Variants in MYO16 observed in about 807,000 individuals in gnomAD.
MYO16 encodes the protein myosin XVI.
A neutral mutation model predicts 205.3 loss-of-function variants in MYO16; 94 were observed. The ratio of observed to expected loss-of-function variants is 0.46; its 90% confidence interval spans 0.39 to 0.54. The LOEUF (loss-of-function observed/expected upper bound fraction) is 0.54. Ranked by LOEUF, MYO16 falls within the 20% of genes least tolerant of loss-of-function variation. The probability of loss-of-function intolerance (pLI) is 0.00; values close to 1 mark genes in which losing one functional copy is unlikely to be tolerated. For synonymous variants in MYO16, 988 were observed against 954.0 expected (o/e 1.04, Z -0.66); for missense variants, 2,315 against 2,387.5 (o/e 0.97, Z 0.63).
At chr13:109,159,255 A>C (rs920732483) in intron 32 of MYO16, among the ~76,000 whole-genome samples, 2 of 152,194 alleles carry the variant, frequency 1.3e-5, no homozygotes, top group African/African-American at 2.4e-5. Flanking sequence ...TATAATTTTA[A>C]ATAAGTAAAG....
At chr13:108,902,151 C>T (rs1032646996) in intron 15 of MYO16, among the ~76,000 whole-genome samples, 4 of 152,138 alleles carry the variant, frequency 2.6e-5, no homozygotes, top group Admixed American at 1.3e-4. Context: ...AAGAGCAGGT[C>T]GATGTTTCCG....
At chr13:108,503,718 G>A in the MYO16 span, among the ~76,000 whole-genome samples, 2 of 151,812 alleles carry the variant, frequency 1.3e-5, no homozygotes, top group Non-Finnish European at 2.9e-5. Flanking sequence ...GTGTTACATA[G>A]GATTACATCA....
chr13:109,053,816 A>G (rs1304061631), intron 25 of MYO16, among the ~76,000 whole-genome samples: 2 of 152,036 alleles, frequency 1.3e-5, no homozygotes, highest in East Asian at 3.9e-4. Flanking sequence ...CCTACTCTTT[A>G]ACTGAGCATG....
intron 9 of MYO16, among the ~76,000 whole-genome samples, chr13:108,835,596 C>T (rs570907407): frequency 9.2e-5 from 14 of 152,194 alleles, no homozygotes; most frequent in South Asian, 8.3e-4. Flanking sequence ...GAGAAGAAGA[C>T]AGGAAGATGA....
At chr13:108,838,326 T>A (rs1260945750) in intron 9 of MYO16, among the ~76,000 whole-genome samples, 2 of 151,970 alleles carry the variant, frequency 1.3e-5, no homozygotes, top group East Asian at 3.9e-4. Flanking sequence ...ATAATTAATA[T>A]AACATTTTGC....
At chr13:109,034,504 G>A (rs1886650197) in intron 23 of MYO16, among the ~76,000 whole-genome samples, 1 of 152,186 alleles carries the variant, frequency 6.6e-6, no homozygotes, top group African/African-American at 2.4e-5. Flanking sequence ...CGCCATGATT[G>A]TAAGTTCCCT....
At chr13:108,610,285 C>T (rs890569385) in intron 1 of MYO16, among the ~76,000 whole-genome samples, 3 of 152,202 alleles carry the variant, frequency 2.0e-5, no homozygotes, top group African/African-American at 7.2e-5. Flanking sequence ...GTGTGTGCTC[C>T]GTCGATGCCT....
chr13:108,690,065 A>G (rs929219202), intron 2 of MYO16, among the ~76,000 whole-genome samples: 1 of 152,080 alleles, frequency 6.6e-6, no homozygotes, highest in African/African-American at 2.4e-5. Context: ...AGTAAGCCCA[A>G]TGCCTTCCAC....
intron 4 of MYO16, among the ~76,000 whole-genome samples, chr13:108,762,262 GAT>G (rs1334315024): frequency 1.4e-5 from 2 of 143,490 alleles, no homozygotes; most frequent in Admixed American, 1.5e-4. Context: ...CACTCAGGTT[GAT>G]TCCATGTCTT....
chr13:108,684,811 C>T (rs1386461497), intron 2 of MYO16, among the ~76,000 whole-genome samples: 1 of 152,174 alleles, frequency 6.6e-6, no homozygotes, highest in Non-Finnish European at 1.5e-5. Flanking sequence ...GATTACTGAA[C>T]ACACTGGGGA....
At chr13:108,523,415 C>T in the MYO16 span, among the ~76,000 whole-genome samples, 1 of 152,194 alleles carries the variant, frequency 6.6e-6, no homozygotes, top group Non-Finnish European at 1.5e-5. Flanking sequence ...GGCCGGCAGT[C>T]TCCCATGACG....
intron 23 of MYO16, among the ~76,000 whole-genome samples, chr13:109,043,445 C>T (rs1435078675): frequency 6.6e-6 from 1 of 152,078 alleles, no homozygotes; most frequent in Non-Finnish European, 1.5e-5. Context: ...CATCGGATTT[C>T]CATGCAGAGA....
chr13:109,004,538 G>T (rs948346575), intron 21 of MYO16, among the ~76,000 whole-genome samples: 2 of 152,110 alleles, frequency 1.3e-5, no homozygotes, highest in Non-Finnish European at 2.9e-5. Flanking sequence ...TGAAATGAAA[G>T]TGACAAGTAG....
intron 27 of MYO16, among the ~76,000 whole-genome samples, chr13:109,068,330 A>T (rs1160742220): frequency 1.3e-5 from 2 of 152,196 alleles, no homozygotes; most frequent in Non-Finnish European, 2.9e-5. Context: ...TCCTTTAGGA[A>T]GTGGGAAAGG....
At chr13:108,656,478 G>C (rs142130383) in intron 1 of MYO16, among the ~76,000 whole-genome samples, 3 of 152,130 alleles carry the variant, frequency 2.0e-5, no homozygotes, top group African/African-American at 7.2e-5. Context: ...GTCAGCGGGG[G>C]ATGGGTAAAG....
chr13:108,868,757 C>T (rs1878851186), intron 12 of MYO16, among the ~76,000 whole-genome samples: 1 of 151,724 alleles, frequency 6.6e-6, no homozygotes, highest in Non-Finnish European at 1.5e-5. Flanking sequence ...CCCATCTCTA[C>T]TAAAAATACA....
At chr13:108,825,976 T>C (rs1047126586) in intron 9 of MYO16, among the ~76,000 whole-genome samples, 1 of 151,982 alleles carries the variant, frequency 6.6e-6, no homozygotes, top group Non-Finnish European at 1.5e-5. Context: ...CCTAAATATA[T>C]GGAAAGAAAT....
At position 108,930,647 on chromosome 13, in the gene MYO16, A is replaced by G. The variant is rs189224344; in HGVS notation, c.1925+20497A>G. On this transcript the variant is annotated intron_variant, in intron 16 of 34. Transcript: ENST00000457511. ...AATTATGCTAAGTTCCCAAGGAGAT[A>G]CCACCCTTAATTGTGAAGTAAACCC... 9.2e-4 allele frequency among the ~76,000 whole-genome samples: 140 copies of G among 152,336 alleles called. 1 individual carries two copies. The highest frequency in any genetic ancestry group is 3.3e-3 in the African/African-American group (139 of 41,586).
intron 32 of MYO16, among the ~76,000 whole-genome samples, chr13:109,142,561 C>CAG (rs755456640): frequency 2.8e-4 from 43 of 152,172 alleles, no homozygotes; most frequent in Non-Finnish European, 5.3e-4. Flanking sequence ...TTCTGCACCA[C>CAG]AGATGGGAAA....
Sources: gnomAD v4.1 joint callset for allele counts (sites outside exome capture counted in the v4.1 genomes callset) on GRCh38, gnomAD v4.1.1 for gene constraint, MANE v1.5 for transcripts, NCBI Gene and HGNC (gene_info 2026-07-23, HGNC 2026-07-21) for gene names.